Variants in IRAK1BP1 observed in about 807,000 individuals in gnomAD.
IRAK1BP1 encodes the protein interleukin 1 receptor associated kinase 1 binding protein 1, also known as interleukin-1 receptor-associated kinase 1-binding protein 1.
Under a neutral mutation model 28.0 loss-of-function variants are expected in IRAK1BP1, and 24 were observed. The ratio of observed to expected loss-of-function variants is 0.86; its 90% CI spans 0.62 to 1.20. The LOEUF (loss-of-function observed/expected upper bound fraction) is 1.20, where lower values mean the gene tolerates loss of function less well. Ranked by LOEUF, IRAK1BP1 falls within the 50% of genes most tolerant of loss-of-function variation. The probability of loss-of-function intolerance (pLI) is 0.00; values close to 1 mark genes in which losing one functional copy is unlikely to be tolerated. For missense variants in IRAK1BP1, 336 were observed against 316.7 expected (o/e 1.06, Z -0.46); for synonymous variants, 131 against 116.3 (o/e 1.13, Z -0.81).
chr6:78,966,592 A>C, the IRAK1BP1 span, among the ~76,000 whole-genome samples: 1 of 152,214 alleles, frequency 6.6e-6, no homozygotes, highest in Non-Finnish European at 1.5e-5. Context: ...AACAAAAAAG[A>C]AACAAAAATA....
intron 4 of IRAK1BP1, chr6:78,940,897 T>C (rs1391986581): frequency 6.2e-7 from 1 of 1,613,866 alleles, no homozygotes; most frequent in Non-Finnish European, 8.5e-7. Flanking sequence ...CTTCAAACTC[T>C]TCTTCCTCAT....
the IRAK1BP1 span, among the ~76,000 whole-genome samples, chr6:78,978,217 A>C: frequency 6.6e-6 from 1 of 152,120 alleles, no homozygotes; most frequent in South Asian, 2.1e-4. Context: ...TTTTTGAAAT[A>C]AAATTAAATG....
At chr6:78,977,683 A>T in the IRAK1BP1 span, among the ~76,000 whole-genome samples, 1 of 152,186 alleles carries the variant, frequency 6.6e-6, no homozygotes, top group South Asian at 2.1e-4. Context: ...TGTTGAAATA[A>T]TGTATTAAAT....
intron 1 of IRAK1BP1, among the ~76,000 whole-genome samples, chr6:78,878,778 A>G (rs1377690056): frequency 2.0e-5 from 3 of 152,236 alleles, no homozygotes; most frequent in Non-Finnish European, 2.9e-5. Context: ...ATGGCTAACT[A>G]GAATAAACGG....
Position 78,902,218 on chromosome 6 carries a change from T to C in IRAK1BP1, c.*3884T>C, listed in dbSNP as rs1317507698. Reference sequence around the variant, plus strand: ...TGCAAGTAGCTCAATCATAGCTTACTGCAGCCTAAAAACTCCTGGGCTGAA... The same window carrying C: ...TGCAAGTAGCTCAATCATAGCTTACCGCAGCCTAAAAACTCCTGGGCTGAA... On this transcript the variant is annotated 3_prime_UTR_variant, in exon 4 of 4. Coordinates refer to ENST00000369940, the MANE Select transcript of IRAK1BP1 (RefSeq NM_001010844.4). 6.6e-6 allele frequency: 1 copy of C among 152,252 alleles called. No individual in the cohort carries two copies. Among genetic ancestry groups the C allele is most frequent in the East Asian group, 1.9e-4 (1 of 5,202 alleles). 9.4% of individuals were successfully genotyped at this position (152,252 alleles called of 1,614,324 possible).
chr6:78,953,878 G>A, the IRAK1BP1 span, among the ~76,000 whole-genome samples: 2 of 152,010 alleles, frequency 1.3e-5, no homozygotes, highest in African/African-American at 2.4e-5. Context: ...AAGACACCAC[G>A]CCCGACCCCT....
chr6:78,907,862 G>A (rs986303281), downstream of IRAK1BP1, among the ~76,000 whole-genome samples: 12 of 151,506 alleles, frequency 7.9e-5, no homozygotes, highest in South Asian at 6.2e-4. Flanking sequence ...TGGGACTACA[G>A]GCGCATGCCT....
chr6:78,952,418 A>C, the IRAK1BP1 span, among the ~76,000 whole-genome samples: 5 of 136,666 alleles, frequency 3.7e-5, no homozygotes, highest in Admixed American at 7.1e-5. Flanking sequence ...ACTCTGTCCC[A>C]AAAAAAAAAG....
downstream of IRAK1BP1, among the ~76,000 whole-genome samples, chr6:78,947,163 C>A (rs555972789): frequency 6.6e-6 from 1 of 152,172 alleles, no homozygotes; most frequent in African/African-American, 2.4e-5. Flanking sequence ...AACTTTATTA[C>A]ACTGAAACTA....
the IRAK1BP1 span, among the ~76,000 whole-genome samples, chr6:78,951,553 T>A: frequency 6.6e-6 from 1 of 152,202 alleles, no homozygotes; most frequent in Admixed American, 6.5e-5. Flanking sequence ...CTTTTTCTCT[T>A]CTGTGACAGT....
chr6:78,942,745 C>T (rs1240074950), intron 4 of IRAK1BP1, among the ~76,000 whole-genome samples: 2 of 152,108 alleles, frequency 1.3e-5, no homozygotes, highest in South Asian at 2.1e-4. Context: ...TCTAAATATC[C>T]AGTACATGTA....
the IRAK1BP1 span, among the ~76,000 whole-genome samples, chr6:78,964,459 G>A: frequency 0.33 from 49,989 of 151,904 alleles, 9,794 homozygotes; most frequent in East Asian, 0.69. Context: ...GTTTTTTAAA[G>A]ATCTTATTTA....
rs1392064260 is a variant in IRAK1BP1, at chr6:78,900,875, T to C, written c.*2541T>C. 1 of 152,186 alleles carries C rather than the reference T, an allele frequency of 6.6e-6. No homozygotes were observed. The highest frequency in any genetic ancestry group is 1.5e-5 in the Non-Finnish European group (1 of 68,018). 9.4% of individuals were successfully genotyped at this position (152,186 alleles called of 1,614,324 possible). A position where few individuals can be genotyped will look rare whatever the true frequency, so the allele number is the denominator to read the frequency against. On this transcript the variant is annotated 3_prime_UTR_variant, in exon 4 of 4. Coordinates refer to ENST00000369940, the MANE Select transcript of IRAK1BP1 (RefSeq NM_001010844.4). ...TATATCAGCTGCATTGTTTGATTAT[T>C]GTTGGCTCAATTAAAAGTTGGCTTT...
At chr6:78,955,621 C>T in the IRAK1BP1 span, 1 of 997,154 alleles carries the variant, frequency 1.0e-6, no homozygotes, top group Non-Finnish European at 1.6e-6. Flanking sequence ...ACCTCAGAAT[C>T]AGACAAAACT....
chr6:78,910,343 C>CT lies in IRAK1BP1; in HGVS notation c.*67+7234dup, dbSNP rs572255165. ...GGATTCTCAAGAATTTATTGAAAGT[C>CT]TGTGTGTCCACCATAGTCCAGGATA... On this transcript the variant is annotated intron_variant and NMD_transcript_variant, in intron 4 of 4. Coordinates refer to the IRAK1BP1 transcript ENST00000606868. Among the ~76,000 whole-genome samples the CT allele has an allele frequency of 6.4e-4, 98 of 152,308 alleles. 1 individual carries two copies. In the South Asian group the frequency reaches 8.1e-3, roughly 13 times the overall value.
chr6:78,875,964 T>A (rs957755270), intron 1 of IRAK1BP1, among the ~76,000 whole-genome samples: 6 of 152,236 alleles, frequency 3.9e-5, no homozygotes, highest in Non-Finnish European at 5.9e-5. Flanking sequence ...TTTACTTTTT[T>A]AAATTTTATT....
chr6:78,890,796 A>AAGG (rs1254501134), intron 2 of IRAK1BP1, among the ~76,000 whole-genome samples: 1 of 152,200 alleles, frequency 6.6e-6, no homozygotes, highest in African/African-American at 2.4e-5. Flanking sequence ...AAAAACAATG[A>AAGG]AGGAGACGGT....
At position 78,898,322 on chromosome 6, in the gene IRAK1BP1, A is replaced by C; in HGVS notation, c.771A>C (p.Lys257Asn). 2 of 1,544,984 alleles carry C rather than the reference A, an allele frequency of 1.3e-6. No homozygotes were observed. The highest frequency in any genetic ancestry group is 1.8e-6 in the Non-Finnish European group (2 of 1,139,580). ...AGGTAAAGGGAAAAGAGAAGAGAAAAAAGCACCTTTGAAATTCCAAACAAA... is the reference window on the plus strand; with the variant it reads ...AGGTAAAGGGAAAAGAGAAGAGAAACAAGCACCTTTGAAATTCCAAACAAA... ...TFEVKGKEKR[K>N]KHL The change falls in exon 4 of 4, where the codon AAA (lysine) becomes AAC (asparagine). Residue 257 changes from lysine to asparagine, a missense_variant. By Grantham distance (94) the Lys-to-Asn change is moderately conservative. Coordinates refer to ENST00000369940, the MANE Select transcript of IRAK1BP1 (RefSeq NM_001010844.4).
chr6:78,961,351 G>A, the IRAK1BP1 span, among the ~76,000 whole-genome samples: 1 of 151,722 alleles, frequency 6.6e-6, no homozygotes, highest in Non-Finnish European at 1.5e-5. Context: ...TGTTATCTAG[G>A]AGAAAATGAA....
Sources: gnomAD v4.1 joint callset for allele counts (sites outside exome capture counted in the v4.1 genomes callset) on GRCh38, gnomAD v4.1.1 for gene constraint, MANE v1.5 for transcripts, NCBI Gene and HGNC (gene_info 2026-07-23, HGNC 2026-07-21) for gene names.